ADAMTSL1: variants seen among roughly 807,000 people sequenced by gnomAD.
ADAMTSL1 encodes ADAMTS like 1, also known as ADAMTS-like protein 1.
Under a neutral mutation model 201.8 loss-of-function variants are expected in ADAMTSL1, and 126 were observed. That is an observed-to-expected ratio of 0.62 (90% CI 0.54 to 0.72). The LOEUF is 0.72. Ranked by LOEUF, ADAMTSL1 falls within the 30% of genes least tolerant of loss-of-function variation. ADAMTSL1 has a pLI of 0.00. For synonymous variants in ADAMTSL1, 1,121 were observed against 903.4 expected (o/e 1.24, Z -4.32); for missense variants, 2,679 against 2,277.8 (o/e 1.18, Z -3.59).
At chr9:18,072,481 C>T (rs1823013264) in intron 1 of ADAMTSL1, among the ~76,000 whole-genome samples, 2 of 152,166 alleles carry the variant, frequency 1.3e-5, no homozygotes, top group African/African-American at 2.4e-5. Context: ...AGTCTTCAAA[C>T]CAACACAGCT....
rs146480915 is a variant in ADAMTSL1, at chr9:18,770,922, C to G, written c.2397+141C>G. On this transcript the variant is annotated intron_variant, in intron 17 of 28. Coordinates refer to ENST00000380548, the MANE Select transcript of ADAMTSL1 (RefSeq NM_001040272.6). ...ATAGTATTTTTGTAACCATATATAC[C>G]GTAGTGTGTAACTAGCTTTTAACGA... The G allele has an allele frequency of 2.3e-4, 208 of 919,572 alleles. 2 individuals carry two copies. In the African/African-American group the frequency reaches 3.1e-3, roughly 14 times the overall value. The allele number at this position is 919,572 out of a possible 1,614,324, so 57.0% of individuals were successfully genotyped here. A position where few individuals can be genotyped will look rare whatever the true frequency, so the allele number is the denominator to read the frequency against.
intron 3 of ADAMTSL1, among the ~76,000 whole-genome samples, chr9:18,538,011 G>A (rs370544341): frequency 1.2e-4 from 18 of 152,056 alleles, no homozygotes; most frequent in African/African-American, 3.9e-4. Flanking sequence ...GAAGGAGGAG[G>A]AGGAGGAGAA....
intron 2 of ADAMTSL1, among the ~76,000 whole-genome samples, chr9:18,183,335 A>G (rs746720257): frequency 2.0e-5 from 3 of 152,218 alleles, no homozygotes; most frequent in Non-Finnish European, 4.4e-5. Flanking sequence ...GATGTTTTAT[A>G]TAGAACACCA....
intron 1 of ADAMTSL1, among the ~76,000 whole-genome samples, chr9:18,128,020 C>T (rs1409413050): frequency 6.6e-6 from 1 of 152,132 alleles, no homozygotes; most frequent in African/African-American, 2.4e-5. Flanking sequence ...TAAGAGATAA[C>T]AGATTGCCTG....
At chr9:18,054,046 A>G (rs938311994) in intron 1 of ADAMTSL1, among the ~76,000 whole-genome samples, 37 of 152,166 alleles carry the variant, frequency 2.4e-4, no homozygotes, top group African/African-American at 8.9e-4. Flanking sequence ...ATAAAAGGAC[A>G]TAGATGCTTA....
At chr9:18,339,297 A>C (rs1448795458) in intron 2 of ADAMTSL1, among the ~76,000 whole-genome samples, 1 of 152,194 alleles carries the variant, frequency 6.6e-6, no homozygotes, top group East Asian at 1.9e-4. Flanking sequence ...GGCAAAGGAC[A>C]TGAACAGACA....
chr9:18,224,552 C>T (rs1460722992), intron 2 of ADAMTSL1, among the ~76,000 whole-genome samples: 2 of 152,148 alleles, frequency 1.3e-5, no homozygotes, highest in African/African-American at 4.8e-5. Context: ...ATGTGCTTCT[C>T]ACATACAAAA....
intron 2 of ADAMTSL1, among the ~76,000 whole-genome samples, chr9:18,309,203 G>A (rs1166488507): frequency 1.3e-5 from 2 of 152,056 alleles, no homozygotes; most frequent in African/African-American, 2.4e-5. Context: ...AATAAGAGCT[G>A]TTTTTGACAA....
chr9:18,137,901 C>T (rs186903366), intron 1 of ADAMTSL1, among the ~76,000 whole-genome samples: 15 of 152,240 alleles, frequency 9.9e-5, no homozygotes, highest in African/African-American at 3.6e-4. Context: ...TGACCTAAGA[C>T]TCACTCAAGT....
intron 1 of ADAMTSL1, among the ~76,000 whole-genome samples, chr9:18,041,884 T>C (rs558301891): frequency 1.3e-5 from 2 of 152,160 alleles, no homozygotes; most frequent in Non-Finnish European, 2.9e-5. Flanking sequence ...TTCATACATC[T>C]GATTTTAGAA....
chr9:18,410,828 A>C (rs979105752), intron 2 of ADAMTSL1, among the ~76,000 whole-genome samples: 20 of 144,150 alleles, frequency 1.4e-4, no homozygotes, highest in Non-Finnish European at 1.5e-5. Flanking sequence ...CGACTGGTAG[A>C]TTTTCTGTCT....
chr9:18,319,664 G>T (rs529925909), intron 2 of ADAMTSL1, among the ~76,000 whole-genome samples: 2 of 152,118 alleles, frequency 1.3e-5, no homozygotes, highest in African/African-American at 2.4e-5. Flanking sequence ...AGAGCACTAC[G>T]TTTGCTGAGA....
intron 2 of ADAMTSL1, among the ~76,000 whole-genome samples, chr9:18,350,723 AGG>A (rs1342434010): frequency 6.6e-6 from 1 of 152,154 alleles, no homozygotes; most frequent in Non-Finnish European, 1.5e-5. Context: ...TCACCTGAAG[AGG>A]GTATACATTT....
At chr9:18,815,711 CAAAAAAAAAAA>C (rs35926602) in intron 20 of ADAMTSL1, among the ~76,000 whole-genome samples, 11 of 67,960 alleles carry the variant, frequency 1.6e-4, no homozygotes, top group South Asian at 1.1e-3. Flanking sequence ...AACCCTGTCT[CAAAAAAAAAAA>C]AAAAAAAAAA....
chr9:18,411,141 C>A (rs930136514), intron 2 of ADAMTSL1, among the ~76,000 whole-genome samples: 1 of 150,588 alleles, frequency 6.6e-6, no homozygotes, highest in Non-Finnish European at 1.5e-5. Flanking sequence ...GGATTTCAGG[C>A]GTGAGCCACT....
chr9:18,653,773 C>T (rs1026579298), intron 7 of ADAMTSL1, among the ~76,000 whole-genome samples: 1 of 152,172 alleles, frequency 6.6e-6, no homozygotes, highest in Admixed American at 6.5e-5. Flanking sequence ...CATTTTTAAT[C>T]TGCTAATGCC....
At chr9:18,534,010 G>T (rs544515563) in intron 3 of ADAMTSL1, among the ~76,000 whole-genome samples, 1 of 152,170 alleles carries the variant, frequency 6.6e-6, no homozygotes, top group Non-Finnish European at 1.5e-5. Flanking sequence ...GAATGTCTGA[G>T]CACTAGTTTC....
At chr9:18,844,478 G>A (rs935627062) in intron 23 of ADAMTSL1, among the ~76,000 whole-genome samples, 4 of 152,158 alleles carry the variant, frequency 2.6e-5, no homozygotes, top group African/African-American at 9.7e-5. Flanking sequence ...GCTGCTCGGG[G>A]GTCAGGGGTC....
chr9:18,847,792 A>T (rs1826227700), intron 23 of ADAMTSL1, among the ~76,000 whole-genome samples: 1 of 152,256 alleles, frequency 6.6e-6, no homozygotes, highest in Non-Finnish European at 1.5e-5. Flanking sequence ...CAGAGGGAGT[A>T]CACAGAAGGA....
Sources: gnomAD v4.1 joint callset for allele counts (sites outside exome capture counted in the v4.1 genomes callset) on GRCh38, gnomAD v4.1.1 for gene constraint, MANE v1.5 for transcripts, NCBI Gene and HGNC (gene_info 2026-07-23, HGNC 2026-07-21) for gene names.